The following USP13 variants were observed in gnomAD, a reference collection of about 807,000 sequenced individuals.
The protein encoded by USP13 is ubiquitin specific peptidase 13.
Under a neutral mutation model 107.8 loss-of-function variants are expected in USP13, and 68 were observed. The observed-to-expected ratio is 0.63, with a 90% CI of 0.52 to 0.77. USP13 has a LOEUF of 0.77. Ranked by LOEUF, USP13 falls within the 30% of genes least tolerant of loss-of-function variation. USP13 has a pLI of 0.00. For synonymous variants in USP13, 377 were observed against 389.5 expected, an observed-to-expected ratio of 0.97 and a Z score of 0.38; for missense variants, 945 against 1,093.3, an observed-to-expected ratio of 0.86 and a Z score of 1.91.
intron 14 of USP13, 115 bp downstream of exon 14, chr3:179,752,488 A>G (rs1714648155): frequency 2.5e-6 from 2 of 788,296 alleles, no homozygotes. Flanking sequence ...TCATTCCATC[A>G]TTCTCACCTT....
At chr3:179,662,308 T>C (rs1273403149) in intron 1 of USP13, among the ~76,000 whole-genome samples, 1 of 152,082 alleles carries the variant, frequency 6.6e-6, no homozygotes, top group Non-Finnish European at 1.5e-5. Flanking sequence ...GAGGTGAGGT[T>C]TGGGGCTCTG....
chr3:179,661,439 A>G (rs974436652), intron 1 of USP13, among the ~76,000 whole-genome samples: 1 of 151,382 alleles, frequency 6.6e-6, no homozygotes, highest in African/African-American at 2.4e-5. Flanking sequence ...TTGAGCTGGG[A>G]ATTTACTATT....
intron 19 of USP13, among the ~76,000 whole-genome samples, chr3:179,776,175 T>A (rs1560083955): frequency 6.6e-6 from 1 of 152,172 alleles, no homozygotes; most frequent in Non-Finnish European, 1.5e-5. Flanking sequence ...AGCCAGCAAC[T>A]TTTTTCTCTA....
intron 14 of USP13, among the ~76,000 whole-genome samples, chr3:179,752,587 C>T (rs2239638): frequency 0.27 from 41,166 of 152,140 alleles, 6,903 homozygotes; most frequent in East Asian, 0.47. Flanking sequence ...TCTGGAATGA[C>T]CAAATTCTAA....
chr3:179,760,977 A>G (rs1714989183), intron 16 of USP13, 135 bp from the exon 17 acceptor site: 4 of 1,141,506 alleles, frequency 3.5e-6, no homozygotes, highest in African/African-American at 1.6e-5. Context: ...AAAACTAAAC[A>G]AAGTAAAACC....
chr3:179,681,851 C>T (rs1302388465), intron 1 of USP13, 27 bp from the exon 2 acceptor site: 1 of 1,606,650 alleles, frequency 6.2e-7, no homozygotes, highest in South Asian at 1.1e-5. Flanking sequence ...GTGTCGTCGG[C>T]TAATGTACTT....
intron 3 of USP13, among the ~76,000 whole-genome samples, chr3:179,694,433 A>T (rs1178327568): frequency 6.6e-6 from 1 of 151,864 alleles, no homozygotes; most frequent in Non-Finnish European, 1.5e-5. Context: ...ATGATTTCCA[A>T]CCTCATGGTC....
intron 4 of USP13, 128 bp from the exon 5 acceptor site, chr3:179,706,806 C>T (rs1293588826): frequency 1.8e-6 from 2 of 1,138,126 alleles, no homozygotes; most frequent in East Asian, 5.4e-5. Context: ...GGATCCCTCT[C>T]TTGCGACAAC....
intron 8 of USP13, among the ~76,000 whole-genome samples, chr3:179,727,576 A>C (rs915495774): frequency 1.7e-5 from 2 of 116,456 alleles, no homozygotes; most frequent in African/African-American, 6.1e-5. Flanking sequence ...CTTTCTACAC[A>C]GACACGGCAA....
chr3:179,742,354 A>G lies in USP13; in HGVS notation c.1534+4A>G. 2 of 1,614,170 alleles carry G rather than the reference A, an allele frequency of 1.2e-6. No homozygotes were observed. Among genetic ancestry groups the G allele is most frequent in the South Asian group, 1.1e-5 (1 of 91,078 alleles). On this transcript the variant is annotated splice_donor_region_variant and intron_variant, in intron 12 of 20. Transcript: ENST00000263966. This position sits in a 1 kb window ranked among gnomAD's most constrained non-coding sequence, Gnocchi z 5.0. ...ATGGAGGCGGCAACCAACAAGGGTA[A>G]CAATTCCAAAGCGGGAAATTGGTAC...
intron 4 of USP13, among the ~76,000 whole-genome samples, chr3:179,704,960 A>G (rs1241800633): frequency 6.6e-6 from 1 of 152,086 alleles, no homozygotes; most frequent in African/African-American, 2.4e-5. Flanking sequence ...TCACTCTGGC[A>G]GATCACTCTG....
rs76657487 is a variant in USP13, at chr3:179,753,768, C to G, written c.1799-964C>G. On this transcript the variant is annotated intron_variant, in intron 14 of 20. Transcript: ENST00000263966. ...TAACTGATTTTGGGGACAGTATTTT[C>G]AGGTTGTTTGCTAGCCCAAAAGATG... 4.7e-3 allele frequency among the ~76,000 whole-genome samples: 717 copies of G among 152,242 alleles called. 6 individuals carry two copies. Among genetic ancestry groups the G allele is most frequent in the African/African-American group, 0.016 (677 of 41,546 alleles).
At chr3:179,675,079 G>A (rs1472213351) in intron 1 of USP13, among the ~76,000 whole-genome samples, 1 of 151,858 alleles carries the variant, frequency 6.6e-6, no homozygotes, top group Non-Finnish European at 1.5e-5. Flanking sequence ...GGAGGCTGAG[G>A]CAGGAGAATG....
chr3:179,754,776 C>T lies in USP13; in HGVS notation c.1843C>T (p.Arg615Ter), dbSNP rs751812054. Residue 615 changes from arginine to a stop codon, truncating the protein, a stop_gained, in exon 15 of 21, where the codon CGA (arginine) becomes TGA (stop). Coordinates refer to ENST00000263966, the MANE Select transcript of USP13 (RefSeq NM_003940.3). LOFTEE classifies it high-confidence loss of function. The part of the protein sequence containing the change: ...MPDLLDINHL[R>*]ARGLQPGEEE... ...AGACCTACTTGATATCAACCATCTC[C>T]GAGCCAGGGGGTTACAGCCAGGAGA... 27 of 1,613,438 alleles carry T rather than the reference C, an allele frequency of 1.7e-5. No homozygotes were observed. Among genetic ancestry groups the T allele is most frequent in the Admixed American group, 6.7e-5 (4 of 59,884 alleles).
chr3:179,706,940 A>G lies in USP13; in HGVS notation c.484A>G (p.Ile162Val), dbSNP rs778457580. The G allele has an allele frequency of 1.4e-5, 22 of 1,613,010 alleles. No homozygotes were observed. The highest frequency in any genetic ancestry group is 5.0e-5 in the Admixed American group (3 of 59,718). The change falls in exon 5 of 21, where the codon ATT becomes GTT. Residue 162 changes from isoleucine to valine, a missense_variant. Ile to Val is a conservative substitution (Grantham distance 29). Coordinates refer to ENST00000263966, the MANE Select transcript of USP13 (RefSeq NM_003940.3). ...NIEELPALVT[I>V]ACDAVLSSKS... Reference sequence around the variant, plus strand: ...ATCTGGGTTTGTCTTATAGGTAACAATTGCTTGTGATGCAGTTCTCAGCTC... The same window carrying G: ...ATCTGGGTTTGTCTTATAGGTAACAGTTGCTTGTGATGCAGTTCTCAGCTC...
In USP13 at chr3:179,785,316, T is replaced by C. The variant is rs1715888598; in HGVS notation, c.*1175T>C. On this transcript the variant is annotated 3_prime_UTR_variant, in exon 21 of 21. Coordinates refer to ENST00000263966, the MANE Select transcript of USP13 (RefSeq NM_003940.3). Reference sequence around the variant, plus strand: ...ATTGCTTGTCTGATGTGACCAACAGTGTGATCTTGGACACACTAAGGATTT... The same window carrying C: ...ATTGCTTGTCTGATGTGACCAACAGCGTGATCTTGGACACACTAAGGATTT... 1 of 152,202 alleles carries C rather than the reference T, an allele frequency of 6.6e-6. No homozygotes were observed. The highest frequency in any genetic ancestry group is 1.5e-5 in the Non-Finnish European group (1 of 68,036). The allele number at this position is 152,202 out of a possible 1,614,324, so 9.4% of individuals were successfully genotyped here.
intron 19 of USP13, among the ~76,000 whole-genome samples, chr3:179,781,286 A>T (rs2108557266): frequency 6.6e-6 from 1 of 152,180 alleles, no homozygotes; most frequent in Non-Finnish European, 1.5e-5. Context: ...TTTGTTTGGT[A>T]TTTCAGTCTG....
intron 14 of USP13, among the ~76,000 whole-genome samples, chr3:179,753,366 C>T (rs1714678249): frequency 6.6e-6 from 1 of 152,178 alleles, no homozygotes; most frequent in Non-Finnish European, 1.5e-5. Context: ...GTTTTGTGAG[C>T]AGGGGAAGGC....
At chr3:179,719,147 A>C (rs1018777054) in intron 6 of USP13, among the ~76,000 whole-genome samples, 6 of 152,136 alleles carry the variant, frequency 3.9e-5, no homozygotes, top group Admixed American at 6.5e-5. Context: ...CGGAGGAAAG[A>C]GGCAGCCCAC....
Sources: allele counts gnomAD v4.1 joint callset (sites outside exome capture counted in the v4.1 genomes callset), GRCh38; gene constraint gnomAD v4.1.1; non-coding constraint Gnocchi (gnomAD v3.1); transcripts MANE v1.5; gene names NCBI Gene and HGNC (gene_info 2026-07-23, HGNC 2026-07-21).